The following MEFV variants were observed in gnomAD, a reference collection of about 807,000 sequenced individuals.
MEFV encodes the protein pyrin.
MEFV carries 60 observed loss-of-function variants against 62.5 expected under a neutral mutation model. That is an observed-to-expected ratio of 0.96 (90% CI 0.78 to 1.19). MEFV has a LOEUF of 1.19. MEFV is among the 50% of genes most tolerant of loss of function. The pLI is 0.00. For synonymous variants in MEFV, 500 were observed against 415.2 expected, an observed-to-expected ratio of 1.20 and a Z score of -2.48; for missense variants, 1,169 against 1,004.5, an observed-to-expected ratio of 1.16 and a Z score of -2.21.
In MEFV at chr16:3,254,425, C is replaced by T. The variant is rs754517265; in HGVS notation, c.643G>A (p.Gly215Arg). The stretch of plus-strand genomic sequence containing the variant: ...TGCCCCGGGGCGCCCCCCGCCAGCC[C>T]CTGCAGCCTCCCCGCGGAGCTGGCG... ...RNASSAGRLQ[G>R]LAGGAPGQKE... Residue 215 changes from glycine to arginine, a missense_variant, in exon 2 of 10, where the codon GGG (glycine) becomes AGG (arginine). Coordinates refer to ENST00000219596, the MANE Select transcript of MEFV (RefSeq NM_000243.3). The T allele has an allele frequency of 6.2e-7, 1 of 1,612,500 alleles. No homozygotes were observed. Among genetic ancestry groups the T allele is most frequent in the Non-Finnish European group, 8.5e-7 (1 of 1,179,482 alleles).
rs149693562 is a variant in MEFV, at chr16:3,256,556, G to C, written c.32C>G (p.Ser11Cys). The C allele has an allele frequency of 1.7e-5, 28 of 1,614,100 alleles. No homozygotes were observed. Among genetic ancestry groups the C allele is most frequent in the Non-Finnish European group, 2.3e-5 (27 of 1,180,042 alleles). Residue 11 changes from serine (S) to cysteine (C), a missense_variant, in exon 1 of 10, where the codon TCC (serine) becomes TGC (cysteine). Coordinates refer to ENST00000219596, the MANE Select transcript of MEFV (RefSeq NM_000243.3). MAKTPSDHLL[S>C]TLEELVPYDF... is the part of the protein sequence containing the mutation. ...ATAGGGCACCAGCTCCTCCAGGGTG[G>C]ACAGCAGATGGTCACTAGGGGTCTT...
intron 2 of MEFV, among the ~76,000 whole-genome samples, chr16:3,250,655 T>C (rs1291003564): frequency 1.3e-5 from 2 of 151,582 alleles, no homozygotes; most frequent in Non-Finnish European, 2.9e-5. Flanking sequence ...CATGAAGACC[T>C]AACAGTTATG....
Position 3,247,099 on chromosome 16 carries a change from C to G in MEFV, c.1504G>C (p.Val502Leu). The G allele has an allele frequency of 6.2e-7, 1 of 1,614,166 alleles. No individual in the cohort carries two copies. Among genetic ancestry groups the G allele is most frequent in the African/African-American group, 1.3e-5 (1 of 75,062 alleles). The change falls in exon 5 of 10, where the codon GTA (valine) becomes CTA (leucine). Residue 502 changes from valine (V) to leucine (L), a missense_variant. Physicochemically the swap from Val to Leu is conservative, Grantham distance 32 (BLOSUM62 1). Transcript: ENST00000219596. ...TCGAGCAGGGCGATGTCCTGGGATA[C>G]GCGGGTGTCATATGCCTTCCTGATC... ...GQIRKAYDTR[V>L]SQDIALLDAL... is the part of the protein sequence containing the mutation.
intron 2 of MEFV, 70 bp downstream of exon 2, chr16:3,254,088 A>T: frequency 1.9e-6 from 3 of 1,547,844 alleles, no homozygotes; most frequent in Non-Finnish European, 2.6e-6. Flanking sequence ...GATTACAGGC[A>T]TGAGCTATCG....
intron 6 of MEFV, chr16:3,246,300 C>A (rs985828654): frequency 1.7e-6 from 1 of 591,780 alleles, no homozygotes; most frequent in African/African-American, 1.9e-5. Context: ...GCTGAATTCA[C>A]CCTTCCCAGT....
chr16:3,249,096 G>C, intron 3 of MEFV, 92 bp from the exon 4 acceptor site: 2 of 1,299,636 alleles, frequency 1.5e-6, no homozygotes, highest in Non-Finnish European at 2.2e-6. Context: ...CCTTCTGGTA[G>C]CAAGGCTGAG....
intron 1 of MEFV, among the ~76,000 whole-genome samples, chr16:3,255,037 C>A (rs1380475622): frequency 6.6e-6 from 1 of 152,186 alleles, no homozygotes; most frequent in African/African-American, 2.4e-5. Flanking sequence ...CAAAAATAAG[C>A]TGAGCGTGGT....
At chr16:3,244,991 A>C (rs1372400989) in intron 6 of MEFV, among the ~76,000 whole-genome samples, 2 of 152,194 alleles carry the variant, frequency 1.3e-5, no homozygotes, top group African/African-American at 4.8e-5. Context: ...AAACAGCAAC[A>C]ACAGAAAAAA....
rs1297530320 is a variant in MEFV at position 3,254,577 on chromosome 16, T to C, written c.491A>G (p.Lys164Arg). ...CTGCGCGTCCAGGCCCTCCGAGGCC[T>C]TCTCTCTGCGTTTGCTCAGGGGCTT... ...SRKPLSKRRE[K>R]ASEGLDAQGK... is the part of the protein sequence containing the mutation. The change falls in exon 2 of 10, where the codon AAG becomes AGG. Residue 164 changes from lysine to arginine, a missense_variant. Lys to Arg is a conservative substitution (Grantham distance 26). Coordinates refer to ENST00000219596, the MANE Select transcript of MEFV (RefSeq NM_000243.3). 1 of 1,585,092 alleles carries C rather than the reference T, an allele frequency of 6.3e-7. No individual in the cohort carries two copies. The highest frequency in any genetic ancestry group is 8.6e-7 in the Non-Finnish European group (1 of 1,169,360).
chr16:3,250,799 G>A (rs1377769871), intron 2 of MEFV, among the ~76,000 whole-genome samples: 1 of 151,586 alleles, frequency 6.6e-6, no homozygotes, highest in African/African-American at 2.4e-5. Flanking sequence ...GCCGAGGCGG[G>A]TGGGTCATGA....
At chr16:3,246,441 T>C in intron 6 of MEFV, 84 bp downstream of exon 6, 1 of 1,515,294 alleles carries the variant, frequency 6.6e-7, no homozygotes, top group Non-Finnish European at 9.2e-7. Context: ...TGGGAACATC[T>C]CCCTCCCAGG....
chr16:3,242,200 T>C lies in MEFV; in HGVS notation c.*941A>G. 7.8e-6 allele frequency: 2 copies of C among 255,192 alleles called. No individual in the cohort carries two copies. The highest frequency in any genetic ancestry group is 2.4e-5 in the African/African-American group (1 of 41,140). The allele number at this position is 255,192 out of a possible 1,614,324, so 15.8% of individuals were successfully genotyped here. ...CAACATGATGAAACCTCATGTCTACTAAAAATGCAAAAAATTAGCCGGGCA... is the reference window on the plus strand; with the variant it reads ...CAACATGATGAAACCTCATGTCTACCAAAAATGCAAAAAATTAGCCGGGCA... On this transcript the variant is annotated 3_prime_UTR_variant, in exon 10 of 10. Coordinates refer to ENST00000219596, the MANE Select transcript of MEFV (RefSeq NM_000243.3).
chr16:3,244,090 G>C, intron 8 of MEFV, 164 bp downstream of exon 8: 3 of 1,551,884 alleles, frequency 1.9e-6, no homozygotes, highest in Non-Finnish European at 2.6e-6. Context: ...CTCAGTCAAT[G>C]AGTCACGCAC....
At chr16:3,244,364 G>T in intron 7 of MEFV, 78 bp from the exon 8 acceptor site, 1 of 1,608,694 alleles carries the variant, frequency 6.2e-7, no homozygotes, top group Admixed American at 1.7e-5. Context: ...GAGGTTGAAG[G>T]CAGGTCAGCA....
intron 4 of MEFV, 37 bp downstream of exon 4, chr16:3,248,872 C>G: frequency 5.6e-6 from 9 of 1,612,540 alleles, no homozygotes; most frequent in Non-Finnish European, 7.6e-6. Flanking sequence ...ACCTTCCTCC[C>G]AGGGACGGAT....
At chr16:3,249,300 G>T in intron 3 of MEFV, 131 bp downstream of exon 3, 1 of 855,702 alleles carries the variant, frequency 1.2e-6, no homozygotes, top group Non-Finnish European at 1.9e-6. Context: ...GGTTTATATT[G>T]TGTTCTTGCC....
chr16:3,255,599 G>T (rs1959105442), intron 1 of MEFV, among the ~76,000 whole-genome samples: 1 of 151,658 alleles, frequency 6.6e-6, no homozygotes, highest in Non-Finnish European at 1.5e-5. Flanking sequence ...TAGAGACAGG[G>T]TTTCACCATG....
Position 3,254,203 on chromosome 16 carries a change from C to T in MEFV, c.865G>A (p.Ala289Thr). Reference protein sequence around the residue: ...ARPTPDGGASADLKEGPGNPE... With the variant: ...ARPTPDGGASTDLKEGPGNPE... Reference sequence around the variant, plus strand: ...TTTCCAGGGCCTTCCTTCAGGTCCGCAGATGCCCCTCCATCCGGAGTGGGC... The same window carrying T: ...TTTCCAGGGCCTTCCTTCAGGTCCGTAGATGCCCCTCCATCCGGAGTGGGC... The change falls in exon 2 of 10, where the codon GCG (alanine) becomes ACG (threonine). Residue 289 changes from alanine (A) to threonine (T), a missense_variant. Ala to Thr is a moderately conservative substitution (Grantham distance 58). Coordinates refer to ENST00000219596, the MANE Select transcript of MEFV (RefSeq NM_000243.3). 6.2e-7 allele frequency: 1 copy of T among 1,614,274 alleles called. No individual in the cohort carries two copies. The highest frequency in any genetic ancestry group is 8.5e-7 in the Non-Finnish European group (1 of 1,180,048).
In MEFV at chr16:3,254,236, G is replaced by T. The variant is rs1346674969; in HGVS notation, c.832C>A (p.Arg278=). Residue 278 remains arginine, a synonymous_variant, in exon 2 of 10, where the codon CGG becomes AGG. Coordinates refer to ENST00000219596, the MANE Select transcript of MEFV (RefSeq NM_000243.3). ...AANLDSATEP[R]ARPTPDGGAS... ...CCTCCATCCGGAGTGGGCCTTGCCC[G>T]GGGTTCTGTTGCCGAGTCCAGATTC... 1.9e-6 allele frequency: 3 copies of T among 1,614,236 alleles called. No individual in the cohort carries two copies. The highest frequency in any genetic ancestry group is 3.3e-5 in the Admixed American group (2 of 60,032).
Sources: allele counts gnomAD v4.1 joint callset (sites outside exome capture counted in the v4.1 genomes callset), GRCh38; gene constraint gnomAD v4.1.1; transcripts MANE v1.5; gene names NCBI Gene and HGNC (gene_info 2026-07-23, HGNC 2026-07-21).